MPRIP: variants seen among roughly 807,000 people sequenced by gnomAD.
The protein encoded by MPRIP is myosin phosphatase Rho-interacting protein.
A neutral mutation model predicts 234.9 loss-of-function variants in MPRIP; 59 were observed. The ratio of observed to expected loss-of-function variants is 0.25; its 90% CI spans 0.20 to 0.31. The LOEUF (loss-of-function observed/expected upper bound fraction) is 0.31. MPRIP is among the 10% of genes least tolerant of loss of function. The pLI is 1.00. For synonymous variants in MPRIP, 1,144 were observed against 1,263.9 expected (o/e 0.91, Z 2.01); for missense variants, 2,436 against 3,071.0 (o/e 0.79, Z 4.89).
chr17:17,088,865 G>A (rs905462306), intron 3 of MPRIP, among the ~76,000 whole-genome samples: 1 of 152,244 alleles, frequency 6.6e-6, no homozygotes, highest in African/African-American at 2.4e-5. Context: ...CTTTGGCCGG[G>A]AAGGAAATGT....
At position 17,165,142 on chromosome 17, in the gene MPRIP, A is replaced by G. The variant is rs913028252; in HGVS notation, c.3551A>G (p.Lys1184Arg). 6 of 1,304,158 alleles carry G rather than the reference A, an allele frequency of 4.6e-6. No individual in the cohort carries two copies. Among genetic ancestry groups the G allele is most frequent in the East Asian group, 1.1e-4 (2 of 18,036 alleles). The allele number at this position is 1,304,158 out of a possible 1,614,324, so 80.8% of individuals were successfully genotyped here. A position where few individuals can be genotyped will look rare whatever the true frequency, so the allele number is the denominator to read the frequency against. ...KEAHEKVLEK[K>R]EQDLNEALVK... ...GCACATGAGAAGGTTCTGGAGAAGAAGGAGCAGGACCTCAATGAGGCTTTG... is the reference window on the plus strand; with the variant it reads ...GCACATGAGAAGGTTCTGGAGAAGAGGGAGCAGGACCTCAATGAGGCTTTG... The change falls in exon 16 of 24, where the codon AAG becomes AGG. Residue 1184 changes from lysine (K) to arginine (R), a missense_variant. Physicochemically the swap from Lys to Arg is conservative, Grantham distance 26. Coordinates refer to ENST00000651222, the MANE Select transcript of MPRIP (RefSeq NM_001364716.4).
chr17:17,166,100 C>T lies in MPRIP; in HGVS notation c.4509C>T (p.Ala1503=). 7.7e-7 allele frequency: 1 copy of T among 1,298,858 alleles called. No individual in the cohort carries two copies. Among genetic ancestry groups the T allele is most frequent in the Non-Finnish European group, 1.0e-6 (1 of 985,252 alleles). 80.5% of individuals were successfully genotyped at this position (1,298,858 alleles called of 1,614,324 possible). A position where few individuals can be genotyped will look rare whatever the true frequency, so the allele number is the denominator to read the frequency against. The change falls in exon 16 of 24, where the codon GCC becomes GCT. Residue 1503 remains alanine (A), a synonymous_variant. Transcript: ENST00000651222. The surrounding 1 kb of genome is among the most constrained non-coding windows in gnomAD (Gnocchi z 4.4). The stretch of plus-strand genomic sequence containing the variant: ...AGGATGAGCAGGACGCACGCGCAGC[C>T]TCCCTGGCCAGTGTGGAGAGTGCAC... ...SQEDEQDARA[A]SLASVESALV...
At chr17:17,131,775 G>A in intron 5 of MPRIP, 74 bp downstream of exon 5, 1 of 1,364,296 alleles carries the variant, frequency 7.3e-7, no homozygotes, top group Non-Finnish European at 1.0e-6. Context: ...GCTCCCTGAG[G>A]TTAGAGGGTG....
At chr17:17,118,217 G>A (rs907373104) in intron 3 of MPRIP, among the ~76,000 whole-genome samples, 1 of 152,236 alleles carries the variant, frequency 6.6e-6, no homozygotes, top group African/African-American at 2.4e-5. Flanking sequence ...TCTTTCTGCA[G>A]CCAAACTACT....
At chr17:17,053,429 G>A (rs1255221278) in intron 1 of MPRIP, among the ~76,000 whole-genome samples, 1 of 152,154 alleles carries the variant, frequency 6.6e-6, no homozygotes, top group Non-Finnish European at 1.5e-5. Context: ...GGCAGAGTTT[G>A]TAAATACTGG....
At chr17:17,170,810 C>T (rs1279953675) in intron 16 of MPRIP, 1 of 152,172 alleles carries the variant, frequency 6.6e-6, no homozygotes, top group Non-Finnish European at 1.5e-5. Flanking sequence ...ACCCACCCTT[C>T]CCGGCAGCTG....
chr17:17,123,853 G>A (rs1399814671), intron 3 of MPRIP, among the ~76,000 whole-genome samples: 1 of 151,632 alleles, frequency 6.6e-6, no homozygotes, highest in Non-Finnish European at 1.5e-5. Flanking sequence ...TCCCTTCTTT[G>A]ATAACGTATT....
chr17:17,139,587 G>A (rs575738442), intron 7 of MPRIP, among the ~76,000 whole-genome samples: 1 of 152,328 alleles, frequency 6.6e-6, no homozygotes, highest in East Asian at 1.9e-4. Flanking sequence ...AGGGACAGGT[G>A]AAGGCAGCCA....
chr17:17,054,114 G>A (rs1454188420), intron 1 of MPRIP, among the ~76,000 whole-genome samples: 1 of 152,144 alleles, frequency 6.6e-6, no homozygotes, highest in Non-Finnish European at 1.5e-5. Flanking sequence ...AAATACATGT[G>A]AGCTATTATA....
intron 3 of MPRIP, among the ~76,000 whole-genome samples, chr17:17,084,956 T>C (rs1172991831): frequency 6.6e-6 from 1 of 152,196 alleles, no homozygotes; most frequent in Non-Finnish European, 1.5e-5. Flanking sequence ...TGGAGGCCCT[T>C]CATGTTTAAA....
At chr17:17,173,718 CTG>C in intron 18 of MPRIP, 196 bp from the exon 19 acceptor site, 5 of 708,840 alleles carry the variant, frequency 7.1e-6, no homozygotes, top group South Asian at 6.0e-5. Context: ...GACTGTCAGA[CTG>C]TGAGAAAGGA....
chr17:17,080,627 G>T (rs76664572), intron 3 of MPRIP, among the ~76,000 whole-genome samples: 5,943 of 152,302 alleles, frequency 0.039, 197 homozygotes, highest in East Asian at 0.12. Context: ...GTGGAGGCCA[G>T]GGATGCTACT....
At chr17:17,097,024 C>G in intron 3 of MPRIP, 1 of 327,562 alleles carries the variant, frequency 3.1e-6, no homozygotes, top group Non-Finnish European at 6.1e-6. Flanking sequence ...TTGCAACTCC[C>G]TGGGGAAGAA....
intron 22 of MPRIP, among the ~76,000 whole-genome samples, chr17:17,178,918 C>CAA (rs1177356521): frequency 2.6e-3 from 356 of 137,872 alleles, no homozygotes; most frequent in Non-Finnish European, 4.1e-3. Context: ...GACCCTGCCT[C>CAA]AAAAAAAAAA....
intron 3 of MPRIP, among the ~76,000 whole-genome samples, chr17:17,098,229 A>C (rs1232778319): frequency 3.3e-5 from 5 of 152,152 alleles, no homozygotes; most frequent in African/African-American, 1.2e-4. Flanking sequence ...GCTCAGCCTC[A>C]ACCTCTTTCC....
chr17:17,088,914 G>A (rs1300750740), intron 3 of MPRIP, among the ~76,000 whole-genome samples: 2 of 152,240 alleles, frequency 1.3e-5, no homozygotes, highest in Non-Finnish European at 2.9e-5. Context: ...CCGGGGAGCA[G>A]TTGCACTGGT....
At chr17:17,121,683 A>G (rs1359678917) in intron 3 of MPRIP, among the ~76,000 whole-genome samples, 1 of 152,122 alleles carries the variant, frequency 6.6e-6, no homozygotes, top group African/African-American at 2.4e-5. Flanking sequence ...TTTTAAGTTC[A>G]GGGGTGCAAG....
intron 3 of MPRIP, among the ~76,000 whole-genome samples, chr17:17,110,310 C>T (rs532999341): frequency 6.6e-6 from 1 of 152,284 alleles, no homozygotes; most frequent in East Asian, 1.9e-4. Flanking sequence ...CCAAATAACC[C>T]TCTTTTTCTT....
In MPRIP at chr17:17,057,512, C is replaced by G. The variant is rs566177637; in HGVS notation, c.123+14541C>G. The G allele has an allele frequency of 1.0e-5, 7 of 689,922 alleles. No individual in the cohort carries two copies. The African/African-American group carries it at 1.1e-4, about 10-fold the overall frequency. 42.7% of individuals were successfully genotyped at this position (689,922 alleles called of 1,614,324 possible). A position where few individuals can be genotyped will look rare whatever the true frequency, so the allele number is the denominator to read the frequency against. ...TCCCAGTGCTAGGTGCTGGGAGCTG[C>G]TGGCAGAGGGCCCACAGAGCCCCAC... On this transcript the variant is annotated intron_variant, in intron 1 of 23. Coordinates refer to ENST00000651222, the MANE Select transcript of MPRIP (RefSeq NM_001364716.4).
Sources: gnomAD v4.1 joint callset for allele counts (sites outside exome capture counted in the v4.1 genomes callset) on GRCh38, gnomAD v4.1.1 for gene constraint, Gnocchi (gnomAD v3.1) non-coding constraint, MANE v1.5 for transcripts, NCBI Gene and HGNC (gene_info 2026-07-23, HGNC 2026-07-21) for gene names.